Variants in PITPNC1 observed in about 807,000 individuals in gnomAD.
The protein encoded by PITPNC1 is phosphatidylinositol transfer protein cytoplasmic 1, also known as cytoplasmic phosphatidylinositol transfer protein 1.
Under a neutral mutation model 44.7 loss-of-function variants are expected in PITPNC1, and 18 were observed. That is an observed-to-expected ratio of 0.40 (90% CI 0.28 to 0.60). The LOEUF is 0.60. Ranked by LOEUF, PITPNC1 falls within the 20% of genes least tolerant of loss-of-function variation. The pLI is 0.39. For missense variants in PITPNC1, 290 were observed against 418.4 expected (o/e 0.69, Z 2.68); for synonymous variants, 141 against 149.6 (o/e 0.94, Z 0.42).
In PITPNC1 at chr17:67,560,414, A is replaced by AT. The variant is rs574151596; in HGVS notation, c.294+6802dup. Among the ~76,000 whole-genome samples the AT allele has an allele frequency of 2.7e-3, 415 of 152,322 alleles. 2 individuals are homozygous for AT. Among genetic ancestry groups the AT allele is most frequent in the African/African-American group, 9.4e-3 (390 of 41,580 alleles). ...TGCCCAACAGTAATGGAAGTGTTTTATTTTTAGAATCAGGTGACACAGAAC... is the reference window on the plus strand; with the variant it reads ...TGCCCAACAGTAATGGAAGTGTTTTATTTTTTAGAATCAGGTGACACAGAAC... On this transcript the variant is annotated intron_variant, in intron 4 of 8. Coordinates refer to ENST00000581322, the MANE Select transcript of PITPNC1 (RefSeq NM_012417.4).
intron 1 of PITPNC1, among the ~76,000 whole-genome samples, chr17:67,385,676 G>A (rs1456700447): frequency 6.6e-6 from 1 of 152,142 alleles, no homozygotes; most frequent in African/African-American, 2.4e-5. Context: ...CCACCGGAAG[G>A]AACCATCTCC....
intron 5 of PITPNC1, among the ~76,000 whole-genome samples, chr17:67,593,238 T>C (rs2041415715): frequency 6.6e-6 from 1 of 152,052 alleles, no homozygotes; most frequent in Non-Finnish European, 1.5e-5. Flanking sequence ...AAATTTATGA[T>C]AGCTGTCAGC....
intron 1 of PITPNC1, among the ~76,000 whole-genome samples, chr17:67,495,650 C>G (rs2039943439): frequency 6.6e-6 from 1 of 152,182 alleles, no homozygotes; most frequent in Non-Finnish European, 1.5e-5. Context: ...TTTTCTGTTC[C>G]TGCATTAGTT....
intron 1 of PITPNC1, among the ~76,000 whole-genome samples, chr17:67,498,569 T>C (rs2039986208): frequency 6.6e-6 from 1 of 152,214 alleles, no homozygotes; most frequent in South Asian, 2.1e-4. Flanking sequence ...CCAGTAGTGG[T>C]ATTGCTGGAT....
intron 1 of PITPNC1, among the ~76,000 whole-genome samples, chr17:67,498,799 G>T (rs1288437210): frequency 6.6e-6 from 1 of 151,010 alleles, no homozygotes; most frequent in East Asian, 1.9e-4. Flanking sequence ...ATGATTAGTG[G>T]TGTTGAATAT....
chr17:67,511,914 T>C (rs1462938913), intron 1 of PITPNC1, among the ~76,000 whole-genome samples: 2 of 152,238 alleles, frequency 1.3e-5, no homozygotes, highest in Admixed American at 1.3e-4. Flanking sequence ...TCTAGGGTGA[T>C]ACTGATTACT....
chr17:67,434,428 C>T (rs1310881012), intron 1 of PITPNC1, among the ~76,000 whole-genome samples: 2 of 152,218 alleles, frequency 1.3e-5, no homozygotes, highest in Non-Finnish European at 2.9e-5. Flanking sequence ...TTTCCTTTTC[C>T]GGCTCCCACA....
chr17:67,553,210 C>G (rs2144170934), intron 3 of PITPNC1: 1 of 156,210 alleles, frequency 6.4e-6, no homozygotes, highest in African/African-American at 2.4e-5. Context: ...AATCCCACCT[C>G]AACGTCATCA....
intron 6 of PITPNC1, chr17:67,638,141 T>C (rs2144344951): frequency 6.6e-6 from 1 of 152,296 alleles, no homozygotes; most frequent in African/African-American, 2.4e-5. Context: ...GATTTCAAGG[T>C]GAAGATCCCA....
At chr17:67,412,147 C>T (rs1170249507) in intron 1 of PITPNC1, among the ~76,000 whole-genome samples, 3 of 152,192 alleles carry the variant, frequency 2.0e-5, no homozygotes, top group East Asian at 1.9e-4. Flanking sequence ...CATGGAAGTG[C>T]CTCACCCCTT....
At position 67,696,423 on chromosome 17, in the gene PITPNC1, T is replaced by C. The variant is rs949678568; in HGVS notation, c.*3535T>C. On this transcript the variant is annotated 3_prime_UTR_variant, in exon 9 of 9. Coordinates refer to ENST00000581322, the MANE Select transcript of PITPNC1 (RefSeq NM_012417.4). ...TGGCTTACGTCGATAGGAATTTTAC[T>C]CTTAAGAAGGGCCAGTGTATAGCTG... 6.6e-6 allele frequency: 1 copy of C among 152,216 alleles called. No homozygotes were observed. The highest frequency in any genetic ancestry group is 1.5e-5 in the Non-Finnish European group (1 of 68,040). The allele number at this position is 152,216 out of a possible 1,614,324, so 9.4% of individuals were successfully genotyped here.
chr17:67,411,397 A>G (rs2143844263), intron 1 of PITPNC1, among the ~76,000 whole-genome samples: 1 of 152,240 alleles, frequency 6.6e-6, no homozygotes, highest in South Asian at 2.1e-4. Flanking sequence ...GTCACCAGGG[A>G]TGGCCAGCAG....
At chr17:67,509,932 AACGT>A (rs2040160089) in intron 1 of PITPNC1, among the ~76,000 whole-genome samples, 2 of 152,218 alleles carry the variant, frequency 1.3e-5, no homozygotes, top group South Asian at 4.1e-4. Context: ...CCTGAAAAGA[AACGT>A]CTAGAACACA....
At chr17:67,462,339 C>G (rs183785227) in intron 1 of PITPNC1, among the ~76,000 whole-genome samples, 4 of 143,288 alleles carry the variant, frequency 2.8e-5, no homozygotes, top group Admixed American at 1.5e-4. Context: ...TCAAGCAATT[C>G]TCCTGCTTCA....
intron 4 of PITPNC1, among the ~76,000 whole-genome samples, chr17:67,568,903 T>C (rs56088011): frequency 0.031 from 4,719 of 152,296 alleles, 218 homozygotes; most frequent in African/African-American, 0.1. Flanking sequence ...GCTTACGTTT[T>C]TGCCACAGGC....
rs568265265 is a variant in PITPNC1, at chr17:67,455,905, T to C, written c.49-76897T>C. ...TTGTGAACTTAAAAAATTAAAACAT[T>C]CTTATTTTAAAAACAATTCAAATAT... is the stretch of plus-strand genomic sequence containing the variant. On this transcript the variant is annotated intron_variant, in intron 1 of 8. Transcript: ENST00000581322. Among the ~76,000 whole-genome samples, 5 of 152,292 alleles carry C rather than the reference T, an allele frequency of 3.3e-5. No individual in the cohort carries two copies. The South Asian group carries it at 1.0e-3, about 32-fold the overall frequency.
intron 4 of PITPNC1, among the ~76,000 whole-genome samples, chr17:67,556,841 A>G (rs915283908): frequency 1.3e-5 from 2 of 152,224 alleles, no homozygotes; most frequent in Admixed American, 6.5e-5. Flanking sequence ...GTGGTAGCAG[A>G]TGAATACATA....
In PITPNC1 at chr17:67,683,989, A is replaced by G. The variant is rs1054533996; in HGVS notation, c.682+8447A>G. On this transcript the variant is annotated intron_variant, in intron 8 of 8. Coordinates refer to ENST00000581322, the MANE Select transcript of PITPNC1 (RefSeq NM_012417.4). ...TTAGACTCTGTCTCAAAAAAAAAAA[A>G]AAAAGAAAAGAAAAGAAACAGGGGA... Among the ~76,000 whole-genome samples, 61 of 150,042 alleles carry G rather than the reference A, an allele frequency of 4.1e-4. 1 individual carries two copies. The highest frequency in any genetic ancestry group is 1.3e-3 in the African/African-American group (51 of 40,786).
At chr17:67,507,021 G>C (rs548230222) in intron 1 of PITPNC1, among the ~76,000 whole-genome samples, 1 of 152,220 alleles carries the variant, frequency 6.6e-6, no homozygotes, top group East Asian at 1.9e-4. Flanking sequence ...TATGGTGGTG[G>C]TGGTGGTTTC....
Sources: gnomAD v4.1 joint callset for allele counts (sites outside exome capture counted in the v4.1 genomes callset) on GRCh38, gnomAD v4.1.1 for gene constraint, MANE v1.5 for transcripts, NCBI Gene and HGNC (gene_info 2026-07-23, HGNC 2026-07-21) for gene names.